Variants in VTCN1 observed in about 807,000 individuals in gnomAD.
The protein encoded by VTCN1 is V-set domain containing T cell activation inhibitor 1.
Under a neutral mutation model 26.5 loss-of-function variants are expected in VTCN1, and 26 were observed. The ratio of observed to expected loss-of-function variants is 0.98; its 90% CI spans 0.72 to 1.36. The LOEUF (loss-of-function observed/expected upper bound fraction) is 1.36, where lower values mean the gene tolerates loss of function less well. VTCN1 is among the 40% of genes most tolerant of loss of function. VTCN1 has a pLI of 0.00. For missense variants in VTCN1, 298 were observed against 337.7 expected (o/e 0.88, Z 0.92); for synonymous variants, 116 against 130.7 (o/e 0.89, Z 0.77).
intron 1 of VTCN1, among the ~76,000 whole-genome samples, chr1:117,201,489 T>C (rs1343295999): frequency 1.3e-5 from 2 of 152,178 alleles, no homozygotes; most frequent in Admixed American, 6.5e-5. Context: ...CCCCTTTCCC[T>C]GCATGCATCC....
chr1:117,193,721 G>A (rs556138082), intron 1 of VTCN1, among the ~76,000 whole-genome samples: 59 of 152,172 alleles, frequency 3.9e-4, no homozygotes, highest in Non-Finnish European at 7.5e-4. Context: ...AGAAATGGTA[G>A]GCCTCAATAA....
chr1:117,210,678 C>T (rs1649306221), intron 1 of VTCN1, 146 bp downstream of exon 1: 1 of 830,996 alleles, frequency 1.2e-6, no homozygotes, highest in African/African-American at 1.7e-5. Flanking sequence ...AGGCTCTTGT[C>T]TGGCCAGGCT....
At chr1:117,151,717 G>A (rs1478451724) in intron 4 of VTCN1, among the ~76,000 whole-genome samples, 5 of 152,060 alleles carry the variant, frequency 3.3e-5, no homozygotes, top group East Asian at 1.9e-4. Context: ...CACGAAGTCC[G>A]GCTGGCTCCA....
intron 2 of VTCN1, among the ~76,000 whole-genome samples, chr1:117,164,723 C>A (rs1652527438): frequency 6.6e-6 from 1 of 152,146 alleles, no homozygotes. Context: ...TTCTGAGATT[C>A]TTCCATTATA....
rs1652673083 is a variant in VTCN1 at position 117,167,347 on chromosome 1, C to T, written c.97+2760G>A. On this transcript the variant is annotated intron_variant, in intron 2 of 5. Coordinates refer to ENST00000369458, the MANE Select transcript of VTCN1 (RefSeq NM_024626.4). This position sits in a 1 kb window ranked among gnomAD's most constrained non-coding sequence, Gnocchi z 4.1. Reference sequence around the variant, plus strand: ...CCAGCAGTGCCCTCATGCCCCTCCTCACTGCTACCTGCTTACTTGTCCCCA... The same window carrying T: ...CCAGCAGTGCCCTCATGCCCCTCCTTACTGCTACCTGCTTACTTGTCCCCA... Among the ~76,000 whole-genome samples the T allele has an allele frequency of 6.6e-6, 1 of 152,120 alleles. No homozygotes were observed. The highest frequency in any genetic ancestry group is 1.5e-5 in the Non-Finnish European group (1 of 68,014).
rs1233800401 is a variant in VTCN1 at position 117,146,584 on chromosome 1, TA to T, written c.*45+1028del. ...TAAAATGGATAAAGGAAGTAGTGGG[TA>T]TAAATTGCCACAGAGTAGAGAAGAT... On this transcript the variant is annotated intron_variant, in intron 5 of 5. Coordinates refer to ENST00000369458, the MANE Select transcript of VTCN1 (RefSeq NM_024626.4). The surrounding 1 kb of genome is among the most constrained non-coding windows in gnomAD (Gnocchi z 4.2). 6.6e-6 allele frequency among the ~76,000 whole-genome samples: 1 copy of T among 152,026 alleles called. No individual in the cohort carries two copies. Among genetic ancestry groups the T allele is most frequent in the African/African-American group, 2.4e-5 (1 of 41,392 alleles).
intron 1 of VTCN1, among the ~76,000 whole-genome samples, chr1:117,195,312 AC>A (rs891130753): frequency 6.8e-6 from 1 of 148,018 alleles, no homozygotes; most frequent in Non-Finnish European, 1.5e-5. Context: ...ATTGTATTGA[AC>A]ACTTGAAATT....
At chr1:117,200,443 T>C (rs2101599463) in intron 1 of VTCN1, among the ~76,000 whole-genome samples, 1 of 152,218 alleles carries the variant, frequency 6.6e-6, no homozygotes, top group Admixed American at 6.5e-5. Flanking sequence ...CAGAGTAGTG[T>C]CAAGGATAAG....
chr1:117,153,171 T>C lies in VTCN1; in HGVS notation c.644A>G (p.Tyr215Cys), dbSNP rs1317016576. Residue 215 changes from tyrosine to cysteine, a missense_variant, in exon 4 of 6, where the codon TAC (tyrosine) becomes TGC (cysteine). Physicochemically the swap from Tyr to Cys is radical, Grantham distance 194 (BLOSUM62 -2). Coordinates refer to ENST00000369458, the MANE Select transcript of VTCN1 (RefSeq NM_024626.4). ...NVTMKVVSVL[Y>C]NVTINNTYSC... ...GTATGTGTTGTTGATCGTAACATTGTAGAGCACAGACACAACCTTCATGGT... is the reference window on the plus strand; with the variant it reads ...GTATGTGTTGTTGATCGTAACATTGCAGAGCACAGACACAACCTTCATGGT... The C allele has an allele frequency of 6.2e-7, 1 of 1,614,080 alleles. No homozygotes were observed. The highest frequency in any genetic ancestry group is 1.3e-5 in the African/African-American group (1 of 74,934).
intron 1 of VTCN1, among the ~76,000 whole-genome samples, chr1:117,171,118 C>T (rs937640348): frequency 6.6e-6 from 1 of 150,822 alleles, no homozygotes; most frequent in Non-Finnish European, 1.5e-5. Flanking sequence ...GTTTTCTGTT[C>T]CTGTGTTAGT....
chr1:117,210,693 C>T (rs375070520), intron 1 of VTCN1, 131 bp downstream of exon 1: 6 of 973,936 alleles, frequency 6.2e-6, no homozygotes, highest in Middle Eastern at 2.3e-4. Context: ...CAGGCTCCCG[C>T]TGGCCCAATG....
At chr1:117,180,973 G>A (rs1323918455) in intron 1 of VTCN1, among the ~76,000 whole-genome samples, 1 of 152,250 alleles carries the variant, frequency 6.6e-6, no homozygotes, top group African/African-American at 2.4e-5. Context: ...CACAGGAGCA[G>A]GAGACATGAA....
At chr1:117,195,300 A>ATAATAATAC (rs1265247908) in intron 1 of VTCN1, among the ~76,000 whole-genome samples, 4 of 137,774 alleles carry the variant, frequency 2.9e-5, no homozygotes, top group African/African-American at 1.0e-4. Flanking sequence ...AATAATAATA[A>ATAATAATAC]TATTGTATTG....
At position 117,152,860 on chromosome 1, in the gene VTCN1, A is replaced by C. The variant is rs548631478; in HGVS notation, c.724+231T>G. On this transcript the variant is annotated intron_variant, in intron 4 of 5. Coordinates refer to ENST00000369458, the MANE Select transcript of VTCN1 (RefSeq NM_024626.4). ...CCAGACAACCAGTCAATGAGAAAGC[A>C]TACAAGATGAAACCTAATTGCCATC... is the stretch of plus-strand genomic sequence containing the variant. Among the ~76,000 whole-genome samples the C allele has an allele frequency of 1.2e-4, 18 of 152,326 alleles. No homozygotes were observed. The South Asian group carries it at 2.1e-3, about 18-fold the overall frequency.
intron 1 of VTCN1, among the ~76,000 whole-genome samples, chr1:117,208,884 T>C (rs1277261471): frequency 1.3e-5 from 2 of 152,176 alleles, no homozygotes; most frequent in Non-Finnish European, 2.9e-5. Flanking sequence ...GGCCCTTTCA[T>C]GAGCGTTCCA....
In VTCN1 at chr1:117,169,292, C is replaced by T. The variant is rs1302240736; in HGVS notation, c.97+815G>A. On this transcript the variant is annotated intron_variant, in intron 2 of 5. Transcript: ENST00000369458. The surrounding 1 kb of genome is among the most constrained non-coding windows in gnomAD (Gnocchi z 4.0). Reference sequence around the variant, plus strand: ...GCAACTGACATTGGCTAGATACGTTCAGAAACTAACCATCTGTGCTACAGC... The same window carrying T: ...GCAACTGACATTGGCTAGATACGTTTAGAAACTAACCATCTGTGCTACAGC... Among the ~76,000 whole-genome samples the T allele has an allele frequency of 2.0e-5, 3 of 152,206 alleles. No individual in the cohort carries two copies. The highest frequency in any genetic ancestry group is 7.2e-5 in the African/African-American group (3 of 41,450).
chr1:117,206,251 C>A (rs1649071102), intron 1 of VTCN1, among the ~76,000 whole-genome samples: 1 of 151,492 alleles, frequency 6.6e-6, no homozygotes, highest in Non-Finnish European at 1.5e-5. Flanking sequence ...GGCAATTAAT[C>A]CAAAGTATAC....
intron 1 of VTCN1, among the ~76,000 whole-genome samples, chr1:117,197,277 A>C (rs1466425926): frequency 7.9e-5 from 12 of 152,342 alleles, no homozygotes; most frequent in African/African-American, 2.9e-4. Context: ...AAACAGATTT[A>C]TCATGCACCT....
intron 1 of VTCN1, among the ~76,000 whole-genome samples, chr1:117,205,144 T>TTATA (rs144891643): frequency 0.23 from 30,346 of 134,098 alleles, 3,622 homozygotes; most frequent in South Asian, 0.3. Flanking sequence ...ATATATATTT[T>TTATA]TATATATATA....
Sources: gnomAD v4.1 joint callset for allele counts (sites outside exome capture counted in the v4.1 genomes callset) on GRCh38, gnomAD v4.1.1 for gene constraint, Gnocchi (gnomAD v3.1) non-coding constraint, MANE v1.5 for transcripts, NCBI Gene and HGNC (gene_info 2026-07-23, HGNC 2026-07-21) for gene names.